FAM81A: variants seen among roughly 807,000 people sequenced by gnomAD.
FAM81A encodes family with sequence similarity 81 member A, also known as protein FAM81A.
FAM81A carries 19 observed loss-of-function variants against 46.7 expected under a neutral mutation model. The ratio of observed to expected loss-of-function variants is 0.41; its 90% CI spans 0.28 to 0.60. The LOEUF (loss-of-function observed/expected upper bound fraction) is 0.60. Among genes scored for constraint, FAM81A ranks in the 20% least tolerant of loss-of-function variants. The probability of loss-of-function intolerance (pLI) is 0.34; values close to 1 mark genes in which losing one functional copy is unlikely to be tolerated. For missense variants in FAM81A, 377 were observed against 453.5 expected (o/e 0.83, Z 1.53); for synonymous variants, 183 against 152.9 (o/e 1.20, Z -1.45).
At chr15:59,421,731 CTATCTATCTATCTGT>C (rs1252116979) in intron 2 of FAM81A, among the ~76,000 whole-genome samples, 7 of 98,002 alleles carry the variant, frequency 7.1e-5, no homozygotes, top group African/African-American at 3.1e-4. Flanking sequence ...GTCTGTCTGT[CTATCTATCTATCTGT>C]CTATCTATCT....
intron 1 of FAM81A, chr15:59,401,234 C>T: frequency 1.9e-6 from 2 of 1,046,204 alleles, no homozygotes; most frequent in South Asian, 2.5e-5. Context: ...ACCAGTAAGA[C>T]TGCATTTATG....
At chr15:59,449,013 G>T (rs1596478434) in intron 1 of FAM81A, among the ~76,000 whole-genome samples, 1 of 152,092 alleles carries the variant, frequency 6.6e-6, no homozygotes, top group African/African-American at 2.4e-5. Flanking sequence ...CTAACTAACT[G>T]CTCTTCTATT....
intron 3 of FAM81A, among the ~76,000 whole-genome samples, chr15:59,486,682 C>A (rs376541496): frequency 2.6e-4 from 40 of 152,148 alleles, no homozygotes; most frequent in African/African-American, 9.4e-4. Context: ...AAATAACATA[C>A]AATGGAGCTC....
At chr15:59,466,703 T>C (rs1386991253) in intron 3 of FAM81A, among the ~76,000 whole-genome samples, 5 of 152,226 alleles carry the variant, frequency 3.3e-5, no homozygotes, top group Non-Finnish European at 7.3e-5. Flanking sequence ...AGAAGCTCTT[T>C]AGTTTAATTA....
At chr15:59,481,682 A>C (rs1316765088) in intron 3 of FAM81A, among the ~76,000 whole-genome samples, 1 of 152,046 alleles carries the variant, frequency 6.6e-6, no homozygotes, top group Non-Finnish European at 1.5e-5. Flanking sequence ...CACACTCTGA[A>C]GACATCTTTA....
upstream of FAM81A, among the ~76,000 whole-genome samples, chr15:59,433,204 TC>T (rs1327277240): frequency 1.7e-5 from 1 of 57,354 alleles, no homozygotes; most frequent in Non-Finnish European, 4.5e-5. Context: ...ACGCCTGTAA[TC>T]CCAGCACTTT....
chr15:59,515,138 A>T (rs1259231797), intron 7 of FAM81A, among the ~76,000 whole-genome samples: 3 of 152,148 alleles, frequency 2.0e-5, no homozygotes, highest in African/African-American at 7.2e-5. Flanking sequence ...CCAGCTACTC[A>T]GGAGGCTGAG....
upstream of FAM81A, among the ~76,000 whole-genome samples, chr15:59,437,380 C>T (rs753879826): frequency 1.5e-5 from 2 of 131,674 alleles, no homozygotes; most frequent in African/African-American, 5.7e-5. Context: ...CCGCTGAAAT[C>T]CTGCCCACCG....
chr15:59,470,791 C>T (rs2081677163), intron 3 of FAM81A, among the ~76,000 whole-genome samples: 1 of 152,210 alleles, frequency 6.6e-6, no homozygotes, highest in African/African-American at 2.4e-5. Context: ...CAGACCAGAG[C>T]TGTTCCTATT....
intron 4 of FAM81A, among the ~76,000 whole-genome samples, chr15:59,502,616 C>CAT (rs2082106104): frequency 6.6e-6 from 1 of 151,570 alleles, no homozygotes; most frequent in Admixed American, 6.6e-5. Context: ...TGGGTTCAAG[C>CAT]GATTCTCCTG....
Position 59,522,633 on chromosome 15 carries a change from A to T in FAM81A, c.*1255A>T, listed in dbSNP as rs562482772. ...CTGTTTGTTCATCTCTGTATGTAAA[A>T]ACTGACAGTGAGACACAACGTTCTG... On this transcript the variant is annotated 3_prime_UTR_variant, in exon 9 of 9. Transcript: ENST00000288228. The T allele has an allele frequency of 6.5e-6, 1 of 152,688 alleles. No individual in the cohort carries two copies. The highest frequency in any genetic ancestry group is 1.9e-4 in the East Asian group (1 of 5,194). 9.5% of individuals were successfully genotyped at this position (152,688 alleles called of 1,614,324 possible).
intron 1 of FAM81A, among the ~76,000 whole-genome samples, chr15:59,455,453 A>G (rs1283893658): frequency 6.6e-6 from 1 of 152,212 alleles, no homozygotes; most frequent in Non-Finnish European, 1.5e-5. Flanking sequence ...GTAAGCCAGA[A>G]TTAACAACGG....
intron 6 of FAM81A, among the ~76,000 whole-genome samples, chr15:59,512,823 G>A (rs1429191880): frequency 6.6e-6 from 1 of 152,216 alleles, no homozygotes; most frequent in Non-Finnish European, 1.5e-5. Flanking sequence ...GACAGGGAGA[G>A]AGTCCAGGGC....
At chr15:59,515,669 T>A (rs1567079080) in intron 7 of FAM81A, among the ~76,000 whole-genome samples, 3 of 152,168 alleles carry the variant, frequency 2.0e-5, no homozygotes, top group Admixed American at 1.3e-4. Context: ...TTAAATATGT[T>A]CTTTTAAGTA....
intron 4 of FAM81A, among the ~76,000 whole-genome samples, chr15:59,499,027 A>G (rs151047134): frequency 2.6e-5 from 4 of 152,208 alleles, no homozygotes; most frequent in Non-Finnish European, 4.4e-5. Flanking sequence ...TTCTTTTCCT[A>G]GTTTCCTAGT....
At chr15:59,454,854 C>CTCT (rs1164969706) in intron 1 of FAM81A, among the ~76,000 whole-genome samples, 2 of 151,852 alleles carry the variant, frequency 1.3e-5, no homozygotes, top group East Asian at 3.8e-4. Flanking sequence ...CCAGGCTGGT[C>CTCT]TCAAACTCCT....
intron 4 of FAM81A, among the ~76,000 whole-genome samples, chr15:59,498,919 A>G (rs1406093395): frequency 2.0e-5 from 3 of 152,114 alleles, no homozygotes; most frequent in Non-Finnish European, 4.4e-5. Context: ...CCTTAGGATC[A>G]CTTGATTACA....
chr15:59,518,562 GCA>G (rs2082291890), intron 8 of FAM81A, among the ~76,000 whole-genome samples: 2 of 152,244 alleles, frequency 1.3e-5, no homozygotes, highest in South Asian at 4.1e-4. Context: ...CTGGCCTCAA[GCA>G]GTCCTCTTGC....
intron 3 of FAM81A, among the ~76,000 whole-genome samples, chr15:59,465,053 C>A (rs1369403848): frequency 3.9e-5 from 6 of 152,156 alleles, no homozygotes; most frequent in Non-Finnish European, 8.8e-5. Flanking sequence ...TTTCCCAGCA[C>A]CATTTATTGA....
Sources: allele counts gnomAD v4.1 joint callset (sites outside exome capture counted in the v4.1 genomes callset), GRCh38; gene constraint gnomAD v4.1.1; transcripts MANE v1.5; gene names NCBI Gene and HGNC (gene_info 2026-07-23, HGNC 2026-07-21).